SRGAP1: variants seen among roughly 807,000 people sequenced by gnomAD.
SRGAP1 encodes SLIT-ROBO Rho GTPase activating protein 1, also known as SLIT-ROBO Rho GTPase-activating protein 1.
SRGAP1 carries 43 observed loss-of-function variants against 121.9 expected under a neutral mutation model. That is an observed-to-expected ratio of 0.35 (90% CI 0.28 to 0.46). The LOEUF is 0.46. Ranked by LOEUF, SRGAP1 falls within the 20% of genes least tolerant of loss-of-function variation. The pLI, the probability that SRGAP1 is intolerant of heterozygous loss-of-function variation, is 1.00. For missense variants in SRGAP1, 1,102 were observed against 1,350.9 expected, an observed-to-expected ratio of 0.82 and a Z score of 2.89; for synonymous variants, 447 against 485.4, an observed-to-expected ratio of 0.92 and a Z score of 1.04.
intron 1 of SRGAP1, among the ~76,000 whole-genome samples, chr12:63,900,488 G>A (rs2029880501): frequency 1.3e-5 from 2 of 151,966 alleles, no homozygotes; most frequent in South Asian, 4.1e-4. Context: ...ACAGGCGTGA[G>A]CCACCTGTGC....
intron 1 of SRGAP1, among the ~76,000 whole-genome samples, chr12:63,847,489 C>A (rs2136249727): frequency 6.6e-6 from 1 of 152,188 alleles, no homozygotes; most frequent in African/African-American, 2.4e-5. Flanking sequence ...CACGGTGGCT[C>A]ACGCCTGTAA....
At chr12:64,029,054 C>G (rs2034716725) in intron 4 of SRGAP1, among the ~76,000 whole-genome samples, 1 of 152,124 alleles carries the variant, frequency 6.6e-6, no homozygotes, top group Admixed American at 6.6e-5. Flanking sequence ...TAAGGCAAAA[C>G]TAGTATTTGA....
At chr12:63,981,391 A>G (rs918358901) in intron 1 of SRGAP1, among the ~76,000 whole-genome samples, 4 of 152,160 alleles carry the variant, frequency 2.6e-5, no homozygotes, top group African/African-American at 9.7e-5. Flanking sequence ...AAAACCCCAG[A>G]AAACTAGTTG....
At chr12:64,063,991 G>T (rs1051408206) in intron 7 of SRGAP1, among the ~76,000 whole-genome samples, 6 of 151,282 alleles carry the variant, frequency 4.0e-5, no homozygotes, top group Non-Finnish European at 7.4e-5. Context: ...TTTCTAATTG[G>T]ATTTTATGTG....
intron 18 of SRGAP1, among the ~76,000 whole-genome samples, chr12:64,123,345 C>CA (rs1223440617): frequency 5.9e-5 from 9 of 151,922 alleles, no homozygotes; most frequent in African/African-American, 9.7e-5. Flanking sequence ...GACCCTGTCT[C>CA]AAAAAAACAA....
intron 18 of SRGAP1, among the ~76,000 whole-genome samples, chr12:64,119,140 C>T (rs1378584335): frequency 6.6e-6 from 1 of 152,128 alleles, no homozygotes; most frequent in Non-Finnish European, 1.5e-5. Flanking sequence ...GTAATTGTCG[C>T]AATTATCTCA....
chr12:63,960,095 G>GATCAACT (rs1471385343), intron 1 of SRGAP1, among the ~76,000 whole-genome samples: 1 of 152,172 alleles, frequency 6.6e-6, no homozygotes. Context: ...CTAGACGATG[G>GATCAACT]ATCAACTTTT....
chr12:64,091,215 T>G, intron 11 of SRGAP1, 61 bp from the exon 12 acceptor site: 1 of 1,242,842 alleles, frequency 8.0e-7, no homozygotes, highest in Non-Finnish European at 1.1e-6. Flanking sequence ...ATGTGACCTA[T>G]AGATGTTTCA....
At chr12:63,943,017 C>G (rs867276682) in intron 1 of SRGAP1, among the ~76,000 whole-genome samples, 1 of 152,182 alleles carries the variant, frequency 6.6e-6, no homozygotes. Context: ...ACAAATTAAT[C>G]CCAAGTTCGT....
At chr12:63,899,950 C>G (rs989989277) in intron 1 of SRGAP1, among the ~76,000 whole-genome samples, 1 of 152,132 alleles carries the variant, frequency 6.6e-6, no homozygotes, top group South Asian at 2.1e-4. Context: ...GCACTGAACT[C>G]GATGCAGAAG....
chr12:63,921,206 G>A (rs532072528), intron 1 of SRGAP1, among the ~76,000 whole-genome samples: 8 of 152,114 alleles, frequency 5.3e-5, no homozygotes, highest in South Asian at 4.2e-4. Flanking sequence ...CATCTCCATC[G>A]TGATCACTCT....
chr12:64,038,231 T>A (rs1482804752), intron 4 of SRGAP1, among the ~76,000 whole-genome samples: 1 of 152,212 alleles, frequency 6.6e-6, no homozygotes, highest in East Asian at 1.9e-4. Flanking sequence ...ATAGTGAGCA[T>A]TATATAATGC....
intron 17 of SRGAP1, among the ~76,000 whole-genome samples, chr12:64,115,320 C>G (rs2036499684): frequency 6.6e-6 from 1 of 152,158 alleles, no homozygotes; most frequent in African/African-American, 2.4e-5. Context: ...ATAACCTAGT[C>G]AAAGATGAAT....
chr12:63,959,857 G>A (rs2032586447), intron 1 of SRGAP1, among the ~76,000 whole-genome samples: 1 of 152,186 alleles, frequency 6.6e-6, no homozygotes, highest in South Asian at 2.1e-4. Flanking sequence ...GCAAAGGAGT[G>A]TTGGAACCCA....
In SRGAP1 at chr12:64,139,651, C is replaced by A. The variant is rs1001172579; in HGVS notation, c.2881-2644C>A. ...AGATTCTGGATATTAGCCCTTTGTCCGATGAGTAGGTTGCGAAAATTTTCT... is the reference window on the plus strand; with the variant it reads ...AGATTCTGGATATTAGCCCTTTGTCAGATGAGTAGGTTGCGAAAATTTTCT... On this transcript the variant is annotated intron_variant, in intron 21 of 21. Coordinates refer to ENST00000355086, the MANE Select transcript of SRGAP1 (RefSeq NM_020762.4). 5.4e-4 allele frequency among the ~76,000 whole-genome samples: 82 copies of A among 151,718 alleles called. 2 individuals carry two copies. The highest frequency in any genetic ancestry group is 1.7e-3 in the South Asian group (8 of 4,788).
chr12:64,077,429 CTT>C (rs576759452), intron 8 of SRGAP1, among the ~76,000 whole-genome samples: 333 of 150,548 alleles, frequency 2.2e-3, no homozygotes, highest in African/African-American at 7.9e-3. Flanking sequence ...CTAAGTGAAT[CTT>C]GACTACATAA....
intron 7 of SRGAP1, among the ~76,000 whole-genome samples, chr12:64,063,445 T>G (rs191950407): frequency 5.9e-5 from 9 of 152,294 alleles, no homozygotes; most frequent in Admixed American, 5.9e-4. Flanking sequence ...ATTTTGCTGG[T>G]CTGATAGAAT....
chr12:63,979,688 C>T (rs2033194539), intron 1 of SRGAP1, among the ~76,000 whole-genome samples: 1 of 151,968 alleles, frequency 6.6e-6, no homozygotes, highest in South Asian at 2.1e-4. Flanking sequence ...ATCTCCAGTG[C>T]CTAGGACACT....
chr12:63,876,486 T>C (rs1049392466), intron 1 of SRGAP1, among the ~76,000 whole-genome samples: 2 of 152,198 alleles, frequency 1.3e-5, no homozygotes, highest in Non-Finnish European at 2.9e-5. Context: ...TTTATGACAA[T>C]GGAAATATGT....
Sources: gnomAD v4.1 joint callset for allele counts (sites outside exome capture counted in the v4.1 genomes callset) on GRCh38, gnomAD v4.1.1 for gene constraint, MANE v1.5 for transcripts, NCBI Gene and HGNC (gene_info 2026-07-23, HGNC 2026-07-21) for gene names.